SPOCK1: variants seen among roughly 807,000 people sequenced by gnomAD.
The protein encoded by SPOCK1 is testican-1.
Under a neutral mutation model 55.3 loss-of-function variants are expected in SPOCK1, and 23 were observed. The ratio of observed to expected loss-of-function variants is 0.42; its 90% CI spans 0.30 to 0.59. The LOEUF is 0.59. SPOCK1 is among the 20% of genes least tolerant of loss of function. The probability of loss-of-function intolerance (pLI) is 0.22; values close to 1 mark genes in which losing one functional copy is unlikely to be tolerated. For missense variants in SPOCK1, 499 were observed against 552.5 expected, an observed-to-expected ratio of 0.90 and a Z score of 0.97; for synonymous variants, 226 against 221.0, an observed-to-expected ratio of 1.02 and a Z score of -0.20.
chr5:137,431,530 G>A lies in SPOCK1; in HGVS notation c.186+66843C>T, dbSNP rs993423960. Among the ~76,000 whole-genome samples, 7 of 152,310 alleles carry A rather than the reference G, an allele frequency of 4.6e-5. No individual in the cohort carries two copies. In the South Asian group the frequency reaches 6.2e-4, roughly 14 times the overall value. Reference sequence around the variant, plus strand: ...AAACTCATGTCTAAATTTGATCCCCGGTGTGGTGGTGTTGGGAGGTGGGAC... The same window carrying A: ...AAACTCATGTCTAAATTTGATCCCCAGTGTGGTGGTGTTGGGAGGTGGGAC... On this transcript the variant is annotated intron_variant, in intron 2 of 10. Coordinates refer to ENST00000394945, the MANE Select transcript of SPOCK1 (RefSeq NM_004598.4).
intron 2 of SPOCK1, among the ~76,000 whole-genome samples, chr5:137,298,851 A>G (rs1306646933): frequency 6.6e-6 from 1 of 151,986 alleles, no homozygotes; most frequent in African/African-American, 2.4e-5. Flanking sequence ...ATATTTCTCC[A>G]CCTTTTAATT....
intron 6 of SPOCK1, among the ~76,000 whole-genome samples, chr5:137,043,337 G>C: frequency 6.6e-6 from 1 of 152,166 alleles, no homozygotes; most frequent in East Asian, 1.9e-4. Flanking sequence ...GGGTAAAAGA[G>C]ATAAATCTCT....
intron 4 of SPOCK1, among the ~76,000 whole-genome samples, chr5:137,118,688 T>C (rs1753636377): frequency 6.6e-6 from 1 of 152,180 alleles, no homozygotes; most frequent in Non-Finnish European, 1.5e-5. Flanking sequence ...AATTCAACAA[T>C]CTGTGTCAAA....
intron 2 of SPOCK1, among the ~76,000 whole-genome samples, 190 bp downstream of exon 2, chr5:137,498,183 A>G (rs1396438403): frequency 6.6e-6 from 1 of 151,776 alleles, no homozygotes; most frequent in Admixed American, 6.6e-5. Flanking sequence ...AGTTCTCTTT[A>G]AAGTTCCTTT....
intron 5 of SPOCK1, among the ~76,000 whole-genome samples, chr5:137,088,461 C>G (rs542963229): frequency 6.6e-6 from 1 of 152,156 alleles, no homozygotes; most frequent in East Asian, 1.9e-4. Flanking sequence ...ATCACCTGAT[C>G]GGCCTGCTTC....
intron 2 of SPOCK1, among the ~76,000 whole-genome samples, chr5:137,478,408 A>C (rs1421311182): frequency 6.6e-6 from 1 of 152,206 alleles, no homozygotes; most frequent in Non-Finnish European, 1.5e-5. Context: ...TATCCCAAAA[A>C]GGTGAGAAAT....
rs543974744 is a variant in SPOCK1 at position 137,480,128 on chromosome 5, A to G, written c.186+18245T>C. Among the ~76,000 whole-genome samples, 8 of 152,320 alleles carry G rather than the reference A, an allele frequency of 5.3e-5. No individual in the cohort carries two copies. In the South Asian group the frequency reaches 8.3e-4, roughly 16 times the overall value. ...GCTAAAAATGATAGAAAATTATGCA[A>G]TCTGCCAAGATGTTATTAAGGGAAA... On this transcript the variant is annotated intron_variant, in intron 2 of 10. Transcript: ENST00000394945.
intron 3 of SPOCK1, among the ~76,000 whole-genome samples, chr5:137,156,658 G>A (rs1294399136): frequency 2.0e-5 from 3 of 152,152 alleles, no homozygotes; most frequent in Non-Finnish European, 2.9e-5. Flanking sequence ...GCCTGTGAAA[G>A]GTATCTGGTA....
chr5:137,235,748 C>A (rs1417146066), intron 3 of SPOCK1, among the ~76,000 whole-genome samples: 1 of 152,150 alleles, frequency 6.6e-6, no homozygotes, highest in Admixed American at 6.5e-5. Flanking sequence ...AAGAGTAGTA[C>A]AGATATGACC....
At chr5:137,163,309 G>A (rs1295186957) in intron 3 of SPOCK1, among the ~76,000 whole-genome samples, 3 of 152,222 alleles carry the variant, frequency 2.0e-5, no homozygotes, top group Admixed American at 1.3e-4. Flanking sequence ...GGCAAGAGAG[G>A]TGGCGTGGCT....
chr5:137,180,663 C>A (rs1186154966), intron 3 of SPOCK1, among the ~76,000 whole-genome samples: 2 of 152,112 alleles, frequency 1.3e-5, no homozygotes. Context: ...GGCCAAGAAC[C>A]CCCACTGTTT....
At chr5:137,211,759 G>A (rs915634741) in intron 3 of SPOCK1, among the ~76,000 whole-genome samples, 1 of 152,090 alleles carries the variant, frequency 6.6e-6, no homozygotes, top group African/African-American at 2.4e-5. Flanking sequence ...GATCAATCAC[G>A]CCTATGTAAT....
chr5:137,115,187 G>T (rs372912688), intron 4 of SPOCK1, among the ~76,000 whole-genome samples: 2 of 152,056 alleles, frequency 1.3e-5, no homozygotes, highest in Admixed American at 6.5e-5. Context: ...CGGGGTCGGT[G>T]GGGGGAGTCC....
intron 2 of SPOCK1, among the ~76,000 whole-genome samples, chr5:137,276,884 G>T (rs1757078295): frequency 6.6e-6 from 1 of 152,056 alleles, no homozygotes; most frequent in East Asian, 1.9e-4. Flanking sequence ...GGACCAAGAG[G>T]ACTTCATGAT....
chr5:137,491,091 T>C (rs1337602540), intron 2 of SPOCK1, among the ~76,000 whole-genome samples: 1 of 152,208 alleles, frequency 6.6e-6, no homozygotes. Context: ...TGCCACGTGC[T>C]TACTCAGTCC....
rs373295166 is a variant in SPOCK1 at position 137,368,006 on chromosome 5, G to A, written c.187-100951C>T. Among the ~76,000 whole-genome samples, 128 of 152,222 alleles carry A rather than the reference G, an allele frequency of 8.4e-4. 1 individual carries two copies. The highest frequency in any genetic ancestry group is 2.9e-3 in the African/African-American group (119 of 41,526). On this transcript the variant is annotated intron_variant, in intron 2 of 10. Coordinates refer to ENST00000394945, the MANE Select transcript of SPOCK1 (RefSeq NM_004598.4). Reference sequence around the variant, plus strand: ...CTCACCCCACTTATACTATCCAACCGCCCCCAAAAGGCAGTTTCACTATCA... The same window carrying A: ...CTCACCCCACTTATACTATCCAACCACCCCCAAAAGGCAGTTTCACTATCA...
intron 7 of SPOCK1, among the ~76,000 whole-genome samples, chr5:136,992,182 T>G (rs1196108431): frequency 6.6e-6 from 1 of 152,170 alleles, no homozygotes; most frequent in Non-Finnish European, 1.5e-5. Context: ...TAAAACAGTC[T>G]GGAAAGTATG....
intron 5 of SPOCK1, among the ~76,000 whole-genome samples, chr5:137,098,007 G>C (rs998146575): frequency 2.0e-5 from 3 of 152,158 alleles, no homozygotes; most frequent in Admixed American, 6.5e-5. Flanking sequence ...ATGGAGCTAG[G>C]GGGAGGACTG....
chr5:137,280,864 C>A (rs999085488), intron 2 of SPOCK1, among the ~76,000 whole-genome samples: 2 of 152,150 alleles, frequency 1.3e-5, no homozygotes, highest in Admixed American at 1.3e-4. Flanking sequence ...TGCACCAATC[C>A]CCTCCTCCCA....
Sources: gnomAD v4.1 joint callset for allele counts (sites outside exome capture counted in the v4.1 genomes callset) on GRCh38, gnomAD v4.1.1 for gene constraint, MANE v1.5 for transcripts, NCBI Gene and HGNC (gene_info 2026-07-23, HGNC 2026-07-21) for gene names.